The following DPP8 variants were observed in gnomAD, a reference collection of about 807,000 sequenced individuals.
DPP8 encodes dipeptidyl peptidase 8.
Under a neutral mutation model 107.5 loss-of-function variants are expected in DPP8, and 31 were observed. The observed-to-expected ratio is 0.29, with a 90% CI of 0.22 to 0.39. The LOEUF (loss-of-function observed/expected upper bound fraction) is 0.39. DPP8 is among the 10% of genes least tolerant of loss of function. DPP8 has a pLI of 1.00. For missense variants in DPP8, 842 were observed against 1,076.1 expected (o/e 0.78, Z 3.04); for synonymous variants, 381 against 356.6 (o/e 1.07, Z -0.77).
At chr15:65,493,943 C>T (rs1248200363) in intron 5 of DPP8, among the ~76,000 whole-genome samples, 2 of 151,910 alleles carry the variant, frequency 1.3e-5, no homozygotes, top group African/African-American at 2.4e-5. Flanking sequence ...TAAGCACATA[C>T]TTACACAACA....
intron 14 of DPP8, among the ~76,000 whole-genome samples, chr15:65,465,243 C>T (rs1005962894): frequency 1.6e-4 from 23 of 147,284 alleles, no homozygotes; most frequent in African/African-American, 4.8e-4. Flanking sequence ...TCTTGGCTTA[C>T]TGCAACCTCC....
intron 19 of DPP8, among the ~76,000 whole-genome samples, chr15:65,450,171 T>C (rs912798252): frequency 1.4e-5 from 2 of 141,736 alleles, no homozygotes; most frequent in African/African-American, 2.6e-5. Flanking sequence ...TTTCTCCATG[T>C]TGGTCAGGCT....
chr15:65,486,005 A>G (rs752205596), intron 7 of DPP8, among the ~76,000 whole-genome samples: 71 of 151,002 alleles, frequency 4.7e-4, no homozygotes, highest in Admixed American at 2.1e-3. Flanking sequence ...GAGGCAGGAG[A>G]ATTGCTTGAA....
chr15:65,508,916 C>A (rs7181807), intron 2 of DPP8, among the ~76,000 whole-genome samples: 8,443 of 151,916 alleles, frequency 0.056, 796 homozygotes, highest in African/African-American at 0.19. Context: ...ACATAAATCA[C>A]ACAAAAATAA....
intron 9 of DPP8, among the ~76,000 whole-genome samples, chr15:65,480,775 G>A (rs967886592): frequency 6.6e-6 from 1 of 152,122 alleles, no homozygotes; most frequent in Non-Finnish European, 1.5e-5. Flanking sequence ...TACAGTCTGG[G>A]TGACACAGAG....
intron 2 of DPP8, among the ~76,000 whole-genome samples, chr15:65,508,232 T>G (rs1045466654): frequency 1.4e-5 from 2 of 145,746 alleles, no homozygotes; most frequent in Non-Finnish European, 3.0e-5. Context: ...AGAGCAAGAC[T>G]CCGTCTCAAA....
intron 4 of DPP8, 103 bp downstream of exon 4, chr15:65,500,503 G>T: frequency 2.4e-6 from 2 of 834,282 alleles, no homozygotes; most frequent in Non-Finnish European, 1.9e-6. Context: ...TTGTTGGTGG[G>T]TAAACTGAAG....
intron 2 of DPP8, among the ~76,000 whole-genome samples, chr15:65,510,222 G>A (rs371300153): frequency 3.7e-4 from 56 of 152,132 alleles, no homozygotes; most frequent in Admixed American, 7.9e-4. Flanking sequence ...GGATTGAGGC[G>A]GGAGGATCAC....
At chr15:65,513,873 A>G (rs985407089) in intron 1 of DPP8, among the ~76,000 whole-genome samples, 4 of 152,220 alleles carry the variant, frequency 2.6e-5, no homozygotes, top group African/African-American at 9.6e-5. Flanking sequence ...TATATTATTC[A>G]TGACACTGCC....
chr15:65,480,113 TG>T, intron 10 of DPP8, 108 bp downstream of exon 10: 1 of 863,210 alleles, frequency 1.2e-6, no homozygotes, highest in Non-Finnish European at 1.7e-6. Flanking sequence ...AGAAATAACA[TG>T]GTCCCTTTAA....
Position 65,500,762 on chromosome 15 carries a change from T to G in DPP8, c.390A>C (p.Gly130=). 1.1e-5 allele frequency: 17 copies of G among 1,613,996 alleles called. No homozygotes were observed. The highest frequency in any genetic ancestry group is 1.4e-5 in the Non-Finnish European group (17 of 1,179,950). ...LDLFQATLDY[G]MYSREEELLR... ...ATAGTTCTTCTTCTCGAGAATACAT[T>G]CCATAGTCCAGTGTTGCCTAATGTG... The change falls in exon 4 of 20, where the codon GGA becomes GGC. Residue 130 remains glycine (G), a synonymous_variant. Coordinates refer to ENST00000300141, the MANE Select transcript of DPP8 (RefSeq NM_130434.5).
At chr15:65,512,221 G>A (rs2141118653) in intron 2 of DPP8, 74 bp downstream of exon 2, 3 of 1,397,672 alleles carry the variant, frequency 2.1e-6, no homozygotes, top group East Asian at 2.3e-5. Flanking sequence ...AAACTTTTGA[G>A]TGTCAATTAT....
In DPP8 at chr15:65,506,098, G is replaced by A. The variant is rs529366312; in HGVS notation, c.372+1145C>T. ...TGTAATCCCAGCACTTTGGGAGGCC[G>A]AGGCAGGCAGATCACGAGGTCAGGA... On this transcript the variant is annotated intron_variant, in intron 3 of 19. Coordinates refer to ENST00000300141, the MANE Select transcript of DPP8 (RefSeq NM_130434.5). 1.4e-3 allele frequency among the ~76,000 whole-genome samples: 216 copies of A among 152,196 alleles called. 2 individuals are homozygous for A. Among genetic ancestry groups the A allele is most frequent in the African/African-American group, 4.8e-3 (198 of 41,518 alleles).
rs1473357428 is a variant in DPP8 at position 65,474,308 on chromosome 15, T to G, written c.1457-20A>C. ...AATCACCTGAAGATAAATATAATTA[T>G]AATTCAGTACATTATACCAGACTAT... On this transcript the variant is annotated intron_variant, in intron 11 of 19. Coordinates refer to ENST00000300141, the MANE Select transcript of DPP8 (RefSeq NM_130434.5). The G allele has an allele frequency of 6.7e-6, 10 of 1,501,424 alleles. No individual in the cohort carries two copies. The highest frequency in any genetic ancestry group is 3.7e-6 in the Non-Finnish European group (4 of 1,077,954). The allele number at this position is 1,501,424 out of a possible 1,614,324, so 93.0% of individuals were successfully genotyped here.
At chr15:65,452,367 C>T (rs950014895) in intron 17 of DPP8, among the ~76,000 whole-genome samples, 1 of 151,946 alleles carries the variant, frequency 6.6e-6, no homozygotes, top group African/African-American at 2.4e-5. Context: ...AAGCCAGGCC[C>T]GTTATTAAAA....
At chr15:65,486,290 T>C (rs1303740274) in intron 7 of DPP8, among the ~76,000 whole-genome samples, 1 of 150,710 alleles carries the variant, frequency 6.6e-6, no homozygotes, top group Non-Finnish European at 1.5e-5. Context: ...TAATCCCAGC[T>C]ACTCGGGAGG....
chr15:65,460,565 G>T (rs1375258867), intron 15 of DPP8, among the ~76,000 whole-genome samples: 1 of 152,066 alleles, frequency 6.6e-6, no homozygotes, highest in Non-Finnish European at 1.5e-5. Context: ...CCTCATACAG[G>T]TGGAATAATA....
At chr15:65,449,381 T>C (rs1014290297) in intron 19 of DPP8, among the ~76,000 whole-genome samples, 3 of 151,308 alleles carry the variant, frequency 2.0e-5, no homozygotes, top group South Asian at 4.2e-4. Flanking sequence ...GAATAGTATT[T>C]ACAATTATCT....
chr15:65,463,666 C>A, intron 15 of DPP8, 95 bp downstream of exon 15: 1 of 1,098,292 alleles, frequency 9.1e-7, no homozygotes, highest in Non-Finnish European at 1.3e-6. Context: ...CCCAACAATG[C>A]TCAAAATCTT....
Sources: allele counts gnomAD v4.1 joint callset (sites outside exome capture counted in the v4.1 genomes callset), GRCh38; gene constraint gnomAD v4.1.1; transcripts MANE v1.5; gene names NCBI Gene and HGNC (gene_info 2026-07-23, HGNC 2026-07-21).